The following MSH3 variants were observed in gnomAD, a reference collection of about 807,000 sequenced individuals.
MSH3 encodes DNA mismatch repair protein Msh3.
In MSH3, 106 loss-of-function variants were observed where a neutral mutation model predicts 123.3. The observed-to-expected ratio is 0.86, with a 90% CI of 0.73 to 1.01. MSH3 has a LOEUF of 1.01. Among genes scored for constraint, MSH3 ranks in the 50% least tolerant of loss-of-function variants. The pLI is 0.00. For synonymous variants in MSH3, 515 were observed against 481.4 expected (o/e 1.07, Z -0.91); for missense variants, 1,459 against 1,347.6 (o/e 1.08, Z -1.29).
chr5:80,767,064 G>T (rs537416317), intron 13 of MSH3, among the ~76,000 whole-genome samples: 1 of 152,244 alleles, frequency 6.6e-6, no homozygotes, highest in South Asian at 2.1e-4. Flanking sequence ...GATGCAAACA[G>T]ATCTTAATTT....
intron 8 of MSH3, among the ~76,000 whole-genome samples, chr5:80,699,578 AAAAGGTTGTTGG>A (rs1418812323): frequency 6.6e-6 from 1 of 151,718 alleles, no homozygotes; most frequent in Admixed American, 6.6e-5. Flanking sequence ...AAAAAAAAAA[AAAAGGTTGTTGG>A]AGTAGCTGGA....
intron 20 of MSH3, among the ~76,000 whole-genome samples, chr5:80,819,750 G>A (rs1745172163): frequency 6.6e-6 from 1 of 152,088 alleles, no homozygotes. Flanking sequence ...ACCTCCCAAA[G>A]CACTGGGATT....
chr5:80,793,969 G>C (rs1055058433), intron 19 of MSH3, among the ~76,000 whole-genome samples: 3 of 152,150 alleles, frequency 2.0e-5, no homozygotes, highest in Non-Finnish European at 4.4e-5. Context: ...TTTTGGCATA[G>C]ATGACTGGGT....
At chr5:80,806,824 A>G (rs998805914) in intron 19 of MSH3, among the ~76,000 whole-genome samples, 1 of 152,332 alleles carries the variant, frequency 6.6e-6, no homozygotes, top group Non-Finnish European at 1.5e-5. Context: ...TGACATCTTT[A>G]TGATACATAT....
intron 20 of MSH3, among the ~76,000 whole-genome samples, chr5:80,850,467 A>G (rs1745811559): frequency 6.6e-6 from 1 of 152,254 alleles, no homozygotes; most frequent in African/African-American, 2.4e-5. Context: ...TACTGGACTT[A>G]CAGCTCCACA....
chr5:80,672,428 T>C, intron 5 of MSH3, 68 bp downstream of exon 5: 1 of 1,191,514 alleles, frequency 8.4e-7, no homozygotes. Flanking sequence ...CAAACGTGTT[T>C]TGTAAGGTGG....
In MSH3 at chr5:80,680,401, AAT is replaced by A. The variant is rs1433825692; in HGVS notation, c.1340+1313_1340+1314del. ...AATTTGTTTTTCTGATTATAAAACT[AAT>A]ATATGTTCATTCAGAAGACAAAAAA... On this transcript the variant is annotated intron_variant, in intron 8 of 23. Transcript: ENST00000265081. Among the ~76,000 whole-genome samples the A allele has an allele frequency of 1.1e-4, 16 of 151,934 alleles. No individual in the cohort carries two copies. In the East Asian group the frequency reaches 2.9e-3, roughly 27 times the overall value.
chr5:80,678,076 C>T (rs1344987780), intron 7 of MSH3, among the ~76,000 whole-genome samples: 1 of 152,180 alleles, frequency 6.6e-6, no homozygotes, highest in Admixed American at 6.5e-5. Context: ...TCAGAAGTGG[C>T]TTTCCATCAG....
intron 18 of MSH3, among the ~76,000 whole-genome samples, chr5:80,789,919 CAAATTAA>C (rs1744579776): frequency 6.6e-6 from 1 of 151,952 alleles, no homozygotes; most frequent in Non-Finnish European, 1.5e-5. Context: ...TCAGTGAGTG[CAAATTAA>C]AACAATGGGA....
At chr5:80,851,892 T>C (rs1042682508) in intron 20 of MSH3, among the ~76,000 whole-genome samples, 2 of 152,238 alleles carry the variant, frequency 1.3e-5, no homozygotes, top group African/African-American at 4.8e-5. Context: ...AAAATGTTTT[T>C]TATAAATATG....
intron 15 of MSH3, among the ~76,000 whole-genome samples, chr5:80,771,537 AG>A (rs1261531164): frequency 6.6e-6 from 1 of 151,868 alleles, no homozygotes; most frequent in African/African-American, 2.4e-5. Context: ...TTAAAGGACT[AG>A]GAACAGACTC....
At chr5:80,787,963 A>T (rs1051537087) in intron 18 of MSH3, among the ~76,000 whole-genome samples, 2 of 152,208 alleles carry the variant, frequency 1.3e-5, no homozygotes, top group Non-Finnish European at 2.9e-5. Flanking sequence ...TTATAATTAT[A>T]AAAGTTTGAT....
rs1745876734 is a variant in MSH3 at position 80,854,155 on chromosome 5, A to G, written c.2839A>G (p.Lys947Glu). ...GATGGGTGCTGCAGACAATATATAT[A>G]AAGGACAGAGTACATTTATGGAAGA... is the stretch of plus-strand genomic sequence containing the variant. Reference protein sequence around the residue: ...TRMGAADNIYKGQSTFMEELT... With the variant: ...TRMGAADNIYEGQSTFMEELT... The change falls in exon 21 of 24, where the codon AAA becomes GAA. Residue 947 changes from lysine (K) to glutamate (E), a missense_variant. Transcript: ENST00000265081. 1 of 1,613,674 alleles carries G rather than the reference A, an allele frequency of 6.2e-7. No homozygotes were observed. Among genetic ancestry groups the G allele is most frequent in the Non-Finnish European group, 8.5e-7 (1 of 1,179,714 alleles).
At chr5:80,669,389 C>T (rs1456740342) in intron 3 of MSH3, among the ~76,000 whole-genome samples, 2 of 152,072 alleles carry the variant, frequency 1.3e-5, no homozygotes, top group African/African-American at 4.8e-5. Flanking sequence ...TGGATTTAGC[C>T]AACTATAAAT....
At chr5:80,692,389 C>T (rs373597377) in intron 8 of MSH3, among the ~76,000 whole-genome samples, 4 of 19,574 alleles carry the variant, frequency 2.0e-4, no homozygotes, top group Admixed American at 5.8e-4. Context: ...GATAGATAAA[C>T]ATGTATATGT....
At chr5:80,777,138 C>T (rs372685380) in intron 16 of MSH3, among the ~76,000 whole-genome samples, 3 of 151,926 alleles carry the variant, frequency 2.0e-5, no homozygotes, top group Admixed American at 2.0e-4. Context: ...GCCATTTGGC[C>T]AGGCTGGTCT....
At chr5:80,762,519 C>G (rs1580028389) in intron 13 of MSH3, among the ~76,000 whole-genome samples, 1 of 151,490 alleles carries the variant, frequency 6.6e-6, no homozygotes, top group South Asian at 2.1e-4. Flanking sequence ...TAGTAACTTG[C>G]TAGTAACAGA....
intron 1 of MSH3, among the ~76,000 whole-genome samples, chr5:80,655,912 G>A (rs1749272705): frequency 6.6e-6 from 1 of 152,062 alleles, no homozygotes; most frequent in South Asian, 2.1e-4. Context: ...CAAGTTTTCT[G>A]CCAAGAAAAA....
intron 20 of MSH3, among the ~76,000 whole-genome samples, chr5:80,831,243 T>C (rs1745412302): frequency 6.6e-6 from 1 of 152,244 alleles, no homozygotes; most frequent in African/African-American, 2.4e-5. Context: ...AATTCTTAAA[T>C]GTATCATTTG....
Sources: allele counts gnomAD v4.1 joint callset (sites outside exome capture counted in the v4.1 genomes callset), GRCh38; gene constraint gnomAD v4.1.1; transcripts MANE v1.5; gene names NCBI Gene and HGNC (gene_info 2026-07-23, HGNC 2026-07-21).